OR1I1: variants seen among roughly 807,000 people sequenced by gnomAD.
The protein encoded by OR1I1 is olfactory receptor family 1 subfamily I member 1.
For missense variants in OR1I1, 451 were observed against 443.6 expected, an observed-to-expected ratio of 1.02 and a Z score of -0.15; for synonymous variants, 171 against 181.4, an observed-to-expected ratio of 0.94 and a Z score of 0.46.
At chr19:15,082,851 C>T (rs533983638) in intron 1 of OR1I1, among the ~76,000 whole-genome samples, 25 of 152,052 alleles carry the variant, frequency 1.6e-4, no homozygotes, top group African/African-American at 5.5e-4. Context: ...GCTCTGTTGC[C>T]CAGTCTGGAG....
At chr19:15,085,176 A>ATATTTTTTTT (rs1555717400) in intron 1 of OR1I1, among the ~76,000 whole-genome samples, 3 of 80,124 alleles carry the variant, frequency 3.7e-5, no homozygotes, top group African/African-American at 4.6e-5. Flanking sequence ...ATATATATAT[A>ATATTTTTTTT]TTTTTTTTTT....
rs1364909214 is a variant in OR1I1 at position 15,089,889 on chromosome 19, A to G, written c.*1756A>G. The G allele has an allele frequency of 6.6e-6, 1 of 152,104 alleles. No individual in the cohort carries two copies. Among genetic ancestry groups the G allele is most frequent in the Non-Finnish European group, 1.5e-5 (1 of 68,032 alleles). The allele number at this position is 152,104 out of a possible 1,614,324, so 9.4% of individuals were successfully genotyped here. A position where few individuals can be genotyped will look rare whatever the true frequency, so the allele number is the denominator to read the frequency against. Reference sequence around the variant, plus strand: ...ATATGTTGAAGTCCTAACCCCAAGGACCTCAGAATGTGACCATATTTGAAG... The same window carrying G: ...ATATGTTGAAGTCCTAACCCCAAGGGCCTCAGAATGTGACCATATTTGAAG... On this transcript the variant is annotated 3_prime_UTR_variant, in exon 2 of 2. Transcript: ENST00000641398.
At chr19:15,083,416 G>A (rs2145300829) in intron 1 of OR1I1, among the ~76,000 whole-genome samples, 1 of 152,248 alleles carries the variant, frequency 6.6e-6, no homozygotes, top group South Asian at 2.1e-4. Context: ...GTTTTAACAA[G>A]CCTTCCAGGT....
chr19:15,086,682 C>G (rs753184360), intron 1 of OR1I1, among the ~76,000 whole-genome samples: 1 of 152,010 alleles, frequency 6.6e-6, no homozygotes, highest in Non-Finnish European at 1.5e-5. Flanking sequence ...TCTCGAACTC[C>G]TGACCTCAAG....
intron 1 of OR1I1, among the ~76,000 whole-genome samples, chr19:15,085,129 C>A: frequency 1.5e-5 from 1 of 64,870 alleles, no homozygotes; most frequent in South Asian, 8.0e-4. Context: ...GCATTTTTGA[C>A]TTATATATAT....
At chr19:15,086,916 T>G in intron 1 of OR1I1, 137 bp from the exon 2 acceptor site, 1 of 1,370,192 alleles carries the variant, frequency 7.3e-7, no homozygotes, top group Admixed American at 2.9e-5. Flanking sequence ...GGCTTGAGGT[T>G]AACTGAACAC....
intron 1 of OR1I1, among the ~76,000 whole-genome samples, chr19:15,085,172 A>ATTTTTTTT (rs1445498185): frequency 2.3e-4 from 7 of 30,212 alleles, no homozygotes; most frequent in African/African-American, 5.4e-4. Context: ...ATATATATAT[A>ATTTTTTTT]TATATTTTTT....
chr19:15,083,013 C>T (rs1054077318), intron 1 of OR1I1, among the ~76,000 whole-genome samples: 3 of 151,732 alleles, frequency 2.0e-5, no homozygotes, highest in Non-Finnish European at 2.9e-5. Context: ...TCCTATGTTG[C>T]CCAGGATGGT....
chr19:15,089,058 TAGAG>T lies in OR1I1; in HGVS notation c.*927_*930del, dbSNP rs2046246276. The stretch of plus-strand genomic sequence containing the variant: ...GATGATAGATAGATGGATGGATAGA[TAGAG>T]ATAGAGGAGGTAGGTAGATAGATAG... On this transcript the variant is annotated 3_prime_UTR_variant, in exon 2 of 2. Transcript: ENST00000641398. 7.6e-6 allele frequency: 1 copy of T among 132,124 alleles called. No homozygotes were observed. The allele number at this position is 132,124 out of a possible 1,614,324, so 8.2% of individuals were successfully genotyped here. A position where few individuals can be genotyped will look rare whatever the true frequency, so the allele number is the denominator to read the frequency against.
rs983693729 is a variant in OR1I1, at chr19:15,085,709, C to G, written c.-13-1344C>G. On this transcript the variant is annotated intron_variant, in intron 1 of 1. Coordinates refer to ENST00000641398, the MANE Select transcript of OR1I1 (RefSeq NM_001004713.2). Reference sequence around the variant, plus strand: ...AACACCCACCTCCCGCCCCCAGCCCCTGGTAACCACCATTCTACTCTGCTT... The same window carrying G: ...AACACCCACCTCCCGCCCCCAGCCCGTGGTAACCACCATTCTACTCTGCTT... 2.0e-5 allele frequency among the ~76,000 whole-genome samples: 3 copies of G among 152,100 alleles called. No individual in the cohort carries two copies. The South Asian group carries it at 6.2e-4, about 31-fold the overall frequency.
chr19:15,085,160 A>C (rs540872905), intron 1 of OR1I1, among the ~76,000 whole-genome samples: 1 of 35,840 alleles, frequency 2.8e-5, no homozygotes, highest in Non-Finnish European at 4.7e-5. Context: ...ATATATATAT[A>C]TATATATATA....
rs2046224074 is a variant in OR1I1, at chr19:15,085,153, TATATATA to T, written c.-13-1899_-13-1893del. Among the ~76,000 whole-genome samples, 159 of 54,078 alleles carry T rather than the reference TATATATA, an allele frequency of 2.9e-3. 11 individuals carry two copies. The highest frequency in any genetic ancestry group is 1.0e-2 in the African/African-American group (153 of 15,340). 35.5% of individuals were successfully genotyped at this position (54,078 alleles called of 152,430 possible). A position where few individuals can be genotyped will look rare whatever the true frequency, so the allele number is the denominator to read the frequency against. On this transcript the variant is annotated intron_variant, in intron 1 of 1. Transcript: ENST00000641398. ...ACTTATATATATATATATATATATA[TATATATA>T]TATATATATATATATATTTTTTTTT... is the stretch of plus-strand genomic sequence containing the variant.
chr19:15,087,693 C>T lies in OR1I1; in HGVS notation c.628C>T (p.Pro210Ser), dbSNP rs988221428. Residue 210 changes from proline to serine, a missense_variant, in exon 2 of 2, where the codon CCA becomes TCA. Pro to Ser is a moderately conservative substitution (Grantham distance 74). Coordinates refer to ENST00000641398, the MANE Select transcript of OR1I1 (RefSeq NM_001004713.2). ...TTTTGGCATTGTCGTGGGCACCAGC[C>T]CATTCTCCTGCATCCTTCTCTCGTA... Reference protein sequence around the residue: ...FAFGIVVGTSPFSCILLSYIR... With the variant: ...FAFGIVVGTSSFSCILLSYIR... The T allele has an allele frequency of 2.5e-6, 4 of 1,614,090 alleles. No individual in the cohort carries two copies. In the African/African-American group the frequency reaches 5.3e-5, roughly 22 times the overall value.
chr19:15,086,304 ACT>A (rs2046229945), intron 1 of OR1I1, among the ~76,000 whole-genome samples: 3 of 151,934 alleles, frequency 2.0e-5, no homozygotes, highest in South Asian at 2.1e-4. Flanking sequence ...ACAGAGCAAG[ACT>A]CTGTCTCAAA....
In OR1I1 at chr19:15,088,730, A is replaced by C. The variant is rs60506870; in HGVS notation, c.*597A>C. ...TAGATAGACAGACAGATAGATAGAG[A>C]GGATAAGATAAGATAGGTAGATAGG... On this transcript the variant is annotated 3_prime_UTR_variant, in exon 2 of 2. Transcript: ENST00000641398. 2 of 145,192 alleles carry C rather than the reference A, an allele frequency of 1.4e-5. No homozygotes were observed. Among genetic ancestry groups the C allele is most frequent in the Admixed American group, 1.4e-4 (2 of 14,124 alleles). 9.0% of individuals were successfully genotyped at this position (145,192 alleles called of 1,614,324 possible).
rs199922811 is a variant in OR1I1, at chr19:15,089,075, G to GT, written c.*942_*943insT. 1 of 151,182 alleles carries GT rather than the reference G, an allele frequency of 6.6e-6. No individual in the cohort carries two copies. Among genetic ancestry groups the GT allele is most frequent in the Admixed American group, 6.6e-5 (1 of 15,214 alleles). The allele number at this position is 151,182 out of a possible 1,614,324, so 9.4% of individuals were successfully genotyped here. A position where few individuals can be genotyped will look rare whatever the true frequency, so the allele number is the denominator to read the frequency against. On this transcript the variant is annotated 3_prime_UTR_variant, in exon 2 of 2. Transcript: ENST00000641398. ...TGGATAGATAGAGATAGAGGAGGTA[G>GT]GTAGATAGATAGATAGATAGATAGG... is the stretch of plus-strand genomic sequence containing the variant.
chr19:15,089,833 C>A lies in OR1I1; in HGVS notation c.*1700C>A, dbSNP rs1409899712. The stretch of plus-strand genomic sequence containing the variant: ...CCTGGGAAACAGAGCAAGGCCCTGT[C>A]TGCAAAAGTAATAATAATAAAATAA... On this transcript the variant is annotated 3_prime_UTR_variant, in exon 2 of 2. Coordinates refer to ENST00000641398, the MANE Select transcript of OR1I1 (RefSeq NM_001004713.2). The A allele has an allele frequency of 6.6e-6, 1 of 152,048 alleles. No individual in the cohort carries two copies. The highest frequency in any genetic ancestry group is 2.4e-5 in the African/African-American group (1 of 41,394). 9.4% of individuals were successfully genotyped at this position (152,048 alleles called of 1,614,324 possible). A position where few individuals can be genotyped will look rare whatever the true frequency, so the allele number is the denominator to read the frequency against.
rs1341471889 is a variant in OR1I1 at position 15,088,306 on chromosome 19, G to A, written c.*173G>A. 2.8e-6 allele frequency: 2 copies of A among 706,238 alleles called. No homozygotes were observed. The highest frequency in any genetic ancestry group is 4.5e-6 in the Non-Finnish European group (2 of 440,740). The allele number at this position is 706,238 out of a possible 1,614,324, so 43.7% of individuals were successfully genotyped here. On this transcript the variant is annotated 3_prime_UTR_variant, in exon 2 of 2. Transcript: ENST00000641398. ...CCTGGAGGATCAGCCTTTTAGGATT[G>A]CTATGTGAATAAGAGTAGTTGAAAA...
chr19:15,085,145 TATATATATATATATATATATATATATATA>T (rs2046223709), intron 1 of OR1I1, among the ~76,000 whole-genome samples: 6 of 30,458 alleles, frequency 2.0e-4, no homozygotes, highest in African/African-American at 4.4e-4. Flanking sequence ...TATATATATA[TATATATATATATATATATATATATATATA>T]TATTTTTTTT....
Sources: gnomAD v4.1 joint callset for allele counts (sites outside exome capture counted in the v4.1 genomes callset) on GRCh38, gnomAD v4.1.1 for gene constraint, MANE v1.5 for transcripts, NCBI Gene and HGNC (gene_info 2026-07-23, HGNC 2026-07-21) for gene names.